NOVA1: variants seen among roughly 807,000 people sequenced by gnomAD.
NOVA1 encodes the protein RNA-binding protein Nova-1.
A neutral mutation model predicts 38.0 loss-of-function variants in NOVA1; 7 were observed. The ratio of observed to expected loss-of-function variants is 0.18; its 90% CI spans 0.10 to 0.35. The LOEUF is 0.35. NOVA1 is among the 10% of genes least tolerant of loss of function. NOVA1 has a pLI of 1.00. For missense variants in NOVA1, 460 were observed against 616.0 expected (o/e 0.75, Z 2.68); for synonymous variants, 270 against 232.5 (o/e 1.16, Z -1.47).
chr14:26,540,461 T>G (rs1032402462), intron 2 of NOVA1, among the ~76,000 whole-genome samples: 2 of 152,184 alleles, frequency 1.3e-5, no homozygotes, highest in African/African-American at 2.4e-5. Context: ...ATTAGATGAC[T>G]TTTGCCACAA....
intron 2 of NOVA1, among the ~76,000 whole-genome samples, chr14:26,490,740 G>A (rs1566472816): frequency 2.6e-5 from 4 of 151,780 alleles, no homozygotes; most frequent in South Asian, 2.1e-4. Flanking sequence ...GTGCAGTAGC[G>A]TGATCATTGC....
At chr14:26,595,094 C>A (rs17111429) in intron 2 of NOVA1, among the ~76,000 whole-genome samples, 1,542 of 152,174 alleles carry the variant, frequency 0.01, 25 homozygotes, top group African/African-American at 0.035. Flanking sequence ...TCAGAAGAAC[C>A]CTATTTCCTG....
At chr14:26,597,105 T>A (rs1347432749) in intron 1 of NOVA1, 196 bp downstream of exon 1, 9 of 1,228,454 alleles carry the variant, frequency 7.3e-6, no homozygotes, top group Non-Finnish European at 9.1e-6. Flanking sequence ...AATGGAAATG[T>A]GTCGGGGACA....
chr14:26,556,802 C>T (rs1457391825), intron 2 of NOVA1, among the ~76,000 whole-genome samples: 4 of 152,006 alleles, frequency 2.6e-5, no homozygotes, highest in African/African-American at 7.2e-5. Context: ...TTAGAAAAGA[C>T]GGACAAAAGG....
intron 2 of NOVA1, among the ~76,000 whole-genome samples, chr14:26,575,084 T>C (rs1053499795): frequency 1.3e-5 from 2 of 152,216 alleles, no homozygotes; most frequent in Non-Finnish European, 2.9e-5. Flanking sequence ...GACATCAATA[T>C]AGGTTTTAAC....
intron 4 of NOVA1, among the ~76,000 whole-genome samples, chr14:26,464,238 A>C (rs913396216): frequency 2.0e-5 from 3 of 152,210 alleles, no homozygotes; most frequent in Admixed American, 6.5e-5. Context: ...TGAGATTATA[A>C]TGGAGCTGCA....
chr14:26,491,332 T>C (rs188994504), intron 2 of NOVA1, among the ~76,000 whole-genome samples: 262 of 152,256 alleles, frequency 1.7e-3, no homozygotes, highest in African/African-American at 5.6e-3. Flanking sequence ...GTTGTTTATA[T>C]ATTCTGGATA....
In NOVA1 at chr14:26,447,984, G is replaced by A. The variant is rs1462112484; in HGVS notation, c.1499C>T (p.Ala500Val). 6.2e-7 allele frequency: 1 copy of A among 1,614,084 alleles called. No homozygotes were observed. Among genetic ancestry groups the A allele is most frequent in the Non-Finnish European group, 8.5e-7 (1 of 1,179,976 alleles). ...QRITYEQGVR[A>V]ANPQKVG ...TCAACCCACTTTCTGAGGATTGGCAGCCCGAACTCCTTGCTCATATGTGAT... is the reference window on the plus strand; with the variant it reads ...TCAACCCACTTTCTGAGGATTGGCAACCCGAACTCCTTGCTCATATGTGAT... Residue 500 changes from alanine (A) to valine (V), a missense_variant, in exon 5 of 5, where the codon GCT (alanine) becomes GTT (valine). Physicochemically the swap from Ala to Val is moderately conservative, Grantham distance 64. Coordinates refer to ENST00000539517, the MANE Select transcript of NOVA1 (RefSeq NM_002515.3).
chr14:26,539,156 C>A (rs1890291803), intron 2 of NOVA1, among the ~76,000 whole-genome samples: 2 of 152,118 alleles, frequency 1.3e-5, no homozygotes, highest in Admixed American at 1.3e-4. Context: ...AGAATACAAA[C>A]TCCACGAACA....
chr14:26,495,570 T>A (rs894289652), intron 2 of NOVA1, among the ~76,000 whole-genome samples: 5 of 149,182 alleles, frequency 3.4e-5, no homozygotes, highest in East Asian at 2.0e-4. Context: ...TATGTATACA[T>A]GTGACATGCT....
chr14:26,596,499 T>C, intron 1 of NOVA1: 1 of 1,244,028 alleles, frequency 8.0e-7, no homozygotes, highest in Non-Finnish European at 1.1e-6. Context: ...TGTGAATGAA[T>C]GTTCCAAATG....
rs1262881725 is a variant in NOVA1 at position 26,597,528 on chromosome 14, T to TTTG, written c.-93_-92insCAA. Reference sequence around the variant, plus strand: ...TTTTCTTTTTTTTTTTTTTTTTTTTTTGCGTTTGGGGTTTCTTAAGGTTTT... The same window carrying TTTG: ...TTTTCTTTTTTTTTTTTTTTTTTTTTTTGTGCGTTTGGGGTTTCTTAAGGTTTT... On this transcript the variant is annotated 5_prime_UTR_variant, in exon 1 of 5. Coordinates refer to ENST00000539517, the MANE Select transcript of NOVA1 (RefSeq NM_002515.3). 6 of 1,149,084 alleles carry TTTG rather than the reference T, an allele frequency of 5.2e-6. No individual in the cohort carries two copies. Among genetic ancestry groups the TTTG allele is most frequent in the Non-Finnish European group, 6.5e-6 (6 of 928,222 alleles). The allele number at this position is 1,149,084 out of a possible 1,614,324, so 71.2% of individuals were successfully genotyped here. A position where few individuals can be genotyped will look rare whatever the true frequency, so the allele number is the denominator to read the frequency against.
intron 2 of NOVA1, among the ~76,000 whole-genome samples, chr14:26,573,374 T>A (rs1892610942): frequency 6.6e-6 from 1 of 152,058 alleles, no homozygotes; most frequent in Non-Finnish European, 1.5e-5. Flanking sequence ...TTTCAAAAAA[T>A]TTTGTTGGTA....
intron 2 of NOVA1, among the ~76,000 whole-genome samples, chr14:26,578,149 A>G (rs1223372682): frequency 6.6e-6 from 1 of 152,178 alleles, no homozygotes; most frequent in Non-Finnish European, 1.5e-5. Flanking sequence ...AGAACTGACC[A>G]CTGAATAAAA....
At chr14:26,537,268 A>G (rs1890166798) in intron 2 of NOVA1, among the ~76,000 whole-genome samples, 1 of 151,968 alleles carries the variant, frequency 6.6e-6, no homozygotes, top group South Asian at 2.1e-4. Flanking sequence ...TATTAAGTGA[A>G]GAAAAACAAA....
At chr14:26,576,989 C>A (rs1477651776) in intron 2 of NOVA1, among the ~76,000 whole-genome samples, 1 of 151,782 alleles carries the variant, frequency 6.6e-6, no homozygotes, top group Non-Finnish European at 1.5e-5. Flanking sequence ...CATGTTTGTA[C>A]CTTTTGACCT....
intron 2 of NOVA1, among the ~76,000 whole-genome samples, chr14:26,502,138 CCTT>C (rs752892986): frequency 6.6e-6 from 1 of 151,862 alleles, no homozygotes; most frequent in East Asian, 1.9e-4. Context: ...CTAACTAGTT[CCTT>C]CTTTTTTTTC....
chr14:26,495,186 A>C (rs114273178), intron 2 of NOVA1, among the ~76,000 whole-genome samples: 2,041 of 152,238 alleles, frequency 0.013, 49 homozygotes, highest in African/African-American at 0.047. Context: ...TCATCATAAA[A>C]GACTTAGCTC....
At chr14:26,580,729 T>C (rs886640686) in intron 2 of NOVA1, among the ~76,000 whole-genome samples, 24 of 151,858 alleles carry the variant, frequency 1.6e-4, no homozygotes, top group Admixed American at 1.4e-3. Context: ...TATAAGAAAT[T>C]ATTTATATTA....
Sources: gnomAD v4.1 joint callset for allele counts (sites outside exome capture counted in the v4.1 genomes callset) on GRCh38, gnomAD v4.1.1 for gene constraint, MANE v1.5 for transcripts, NCBI Gene and HGNC (gene_info 2026-07-23, HGNC 2026-07-21) for gene names.